NTM: variants seen among roughly 807,000 people sequenced by gnomAD.
The protein encoded by NTM is IgLON family member 2.
A neutral mutation model predicts 42.1 loss-of-function variants in NTM; 13 were observed. The ratio of observed to expected loss-of-function variants is 0.31; its 90% CI spans 0.20 to 0.49. The LOEUF (loss-of-function observed/expected upper bound fraction) is 0.49, where lower values mean the gene tolerates loss of function less well. Ranked by LOEUF, NTM falls within the 20% of genes least tolerant of loss-of-function variation. The probability of loss-of-function intolerance (pLI) is 0.99; values close to 1 mark genes in which losing one functional copy is unlikely to be tolerated. For synonymous variants in NTM, 187 were observed against 179.2 expected (o/e 1.04, Z -0.35); for missense variants, 373 against 452.8 (o/e 0.82, Z 1.60).
rs549181175 is a variant in NTM, at chr11:131,601,313, G to A, written c.82+230425G>A. Among the ~76,000 whole-genome samples the A allele has an allele frequency of 1.1e-4, 16 of 152,304 alleles. No individual in the cohort carries two copies. In the South Asian group the frequency reaches 2.5e-3, roughly 24 times the overall value. ...GGACCAGAGCACCATCACAGTCCCA[G>A]TCTCTTCCCTACTAACTGCATAAGT... On this transcript the variant is annotated intron_variant, in intron 1 of 8. Coordinates refer to ENST00000683400, the MANE Select transcript of NTM (RefSeq NM_001352005.2).
At chr11:131,777,158 A>G (rs1414987084) in intron 1 of NTM, 2 of 655,764 alleles carry the variant, frequency 3.0e-6, no homozygotes, top group Non-Finnish European at 3.8e-6. Context: ...ATCTCCACCA[A>G]TGCCCACTAC....
At chr11:132,147,143 C>T (rs2070644366) in intron 3 of NTM, among the ~76,000 whole-genome samples, 1 of 151,364 alleles carries the variant, frequency 6.6e-6, no homozygotes, top group Non-Finnish European at 1.5e-5. Flanking sequence ...TCTTCTCCTC[C>T]CCTGACTCCT....
intron 1 of NTM, among the ~76,000 whole-genome samples, chr11:131,896,728 G>A (rs1371681172): frequency 7.5e-6 from 1 of 133,040 alleles, no homozygotes; most frequent in African/African-American, 2.9e-5. Context: ...TGGCTCTGTC[G>A]CCCAGGCTGG....
At chr11:131,649,608 G>T (rs1042597012) in intron 1 of NTM, among the ~76,000 whole-genome samples, 1 of 152,164 alleles carries the variant, frequency 6.6e-6, no homozygotes, top group Non-Finnish European at 1.5e-5. Flanking sequence ...AGGTCAAGGA[G>T]TTAATCGCCT....
chr11:132,181,336 C>A (rs759176844), intron 3 of NTM, among the ~76,000 whole-genome samples: 1 of 152,176 alleles, frequency 6.6e-6, no homozygotes, highest in Non-Finnish European at 1.5e-5. Flanking sequence ...ATGGCATCAG[C>A]ATGAAGATTA....
chr11:131,908,196 T>C (rs1158088574), intron 1 of NTM, among the ~76,000 whole-genome samples: 1 of 152,234 alleles, frequency 6.6e-6, no homozygotes, highest in Non-Finnish European at 1.5e-5. Flanking sequence ...TTAGATCAAC[T>C]GCATGCAGAC....
chr11:132,120,220 G>C (rs1158363361), intron 2 of NTM, among the ~76,000 whole-genome samples: 1 of 152,118 alleles, frequency 6.6e-6, no homozygotes, highest in Non-Finnish European at 1.5e-5. Flanking sequence ...ACTGATCAGA[G>C]CTCATGGCTC....
At chr11:131,390,117 A>T (rs965786516) in intron 1 of NTM, among the ~76,000 whole-genome samples, 4 of 152,188 alleles carry the variant, frequency 2.6e-5, no homozygotes, top group Non-Finnish European at 5.9e-5. Context: ...TGGCACAAGC[A>T]CCTGCTCAGT....
At chr11:132,319,825 G>A (rs775114974) in intron 7 of NTM, among the ~76,000 whole-genome samples, 1 of 152,220 alleles carries the variant, frequency 6.6e-6, no homozygotes, top group African/African-American at 2.4e-5. Context: ...GCCTCCTCCA[G>A]TGGGTCCCTG....
chr11:131,992,983 C>T (rs2067299291), intron 2 of NTM, among the ~76,000 whole-genome samples: 1 of 152,152 alleles, frequency 6.6e-6, no homozygotes, highest in Non-Finnish European at 1.5e-5. Flanking sequence ...GAAACATACT[C>T]AGTACTTCTG....
chr11:131,500,020 G>A (rs1210265839), intron 1 of NTM, among the ~76,000 whole-genome samples: 1 of 152,254 alleles, frequency 6.6e-6, no homozygotes, highest in Non-Finnish European at 1.5e-5. Context: ...GCTGGGTGCA[G>A]TGTGTGGTCC....
intron 1 of NTM, among the ~76,000 whole-genome samples, chr11:131,488,893 T>G (rs1360285536): frequency 6.6e-6 from 1 of 152,220 alleles, no homozygotes; most frequent in Non-Finnish European, 1.5e-5. Flanking sequence ...GCAGGATATT[T>G]GCAATAAACA....
chr11:132,231,391 C>T (rs192644032), intron 4 of NTM, among the ~76,000 whole-genome samples: 30 of 152,300 alleles, frequency 2.0e-4, no homozygotes, highest in African/African-American at 5.3e-4. Context: ...TCATAATTAA[C>T]GTCCATTTAA....
At chr11:131,591,919 C>T (rs1170602541) in intron 1 of NTM, among the ~76,000 whole-genome samples, 4 of 152,154 alleles carry the variant, frequency 2.6e-5, no homozygotes, top group African/African-American at 9.7e-5. Flanking sequence ...TTGTGTTATG[C>T]TCTGGGTAAG....
intron 4 of NTM, among the ~76,000 whole-genome samples, chr11:132,237,413 A>G (rs1447711325): frequency 2.6e-5 from 4 of 152,146 alleles, no homozygotes; most frequent in Non-Finnish European, 1.5e-5. Flanking sequence ...AGATTCAGGT[A>G]GCTCTAGAAT....
intron 2 of NTM, among the ~76,000 whole-genome samples, chr11:131,986,514 T>C (rs960413855): frequency 1.3e-5 from 2 of 152,228 alleles, no homozygotes; most frequent in African/African-American, 4.8e-5. Flanking sequence ...ATTAAACATG[T>C]ATCATGTCAT....
intron 4 of NTM, among the ~76,000 whole-genome samples, chr11:132,298,315 GATTT>G (rs1375403785): frequency 3.3e-5 from 5 of 152,298 alleles, no homozygotes; most frequent in African/African-American, 7.2e-5. Context: ...ATCAAAAGCT[GATTT>G]ATTTTTTTAT....
chr11:131,669,182 CAAAGAG>C, intron 1 of NTM, among the ~76,000 whole-genome samples: 1 of 151,388 alleles, frequency 6.6e-6, no homozygotes, highest in East Asian at 1.9e-4. Context: ...TTCCCCCATC[CAAAGAG>C]AGAGAGAGAG....
At chr11:131,795,814 C>G (rs1448652425) in intron 1 of NTM, 19 of 985,238 alleles carry the variant, frequency 1.9e-5, no homozygotes, top group Non-Finnish European at 2.3e-5. Flanking sequence ...ACAGAACTCT[C>G]AGAGTGATGG....
Sources: gnomAD v4.1 joint callset for allele counts (sites outside exome capture counted in the v4.1 genomes callset) on GRCh38, gnomAD v4.1.1 for gene constraint, MANE v1.5 for transcripts, NCBI Gene and HGNC (gene_info 2026-07-23, HGNC 2026-07-21) for gene names.